Variants in SPATA13 observed in about 807,000 individuals in gnomAD.
The protein encoded by SPATA13 is spermatogenesis associated 13.
In SPATA13, 50 loss-of-function variants were observed where a neutral mutation model predicts 104.0. The observed-to-expected ratio is 0.48, with a 90% confidence interval of 0.38 to 0.61. The LOEUF is 0.61. Ranked by LOEUF, SPATA13 falls within the 20% of genes least tolerant of loss-of-function variation. The pLI is 0.00. For missense variants in SPATA13, 1,524 were observed against 1,690.6 expected (o/e 0.90, Z 1.73); for synonymous variants, 606 against 667.5 (o/e 0.91, Z 1.42).
chr13:24,014,584 C>T (rs1876625145), intron 2 of SPATA13, among the ~76,000 whole-genome samples: 1 of 152,120 alleles, frequency 6.6e-6, no homozygotes, highest in Non-Finnish European at 1.5e-5. Flanking sequence ...TATATTTATT[C>T]ATTAAGTGCA....
chr13:24,249,769 C>G lies in SPATA13; in HGVS notation c.1946C>G (p.Pro649Arg). 2 of 1,614,016 alleles carry G rather than the reference C, an allele frequency of 1.2e-6. No individual in the cohort carries two copies. Among genetic ancestry groups the G allele is most frequent in the Non-Finnish European group, 1.7e-6 (2 of 1,180,034 alleles). The change falls in exon 3 of 13, where the codon CCC becomes CGC. Residue 649 changes from proline to arginine, a missense_variant. Physicochemically the swap from Pro to Arg is moderately radical, Grantham distance 103. Transcript: ENST00000382108. Reference protein sequence around the residue: ...GCPKGARRRRPISVIGGVSLY... With the variant: ...GCPKGARRRRRISVIGGVSLY... ...CCCAAAGGAGCCCGGAGAAGGCGCC[C>G]CATTTCCGTGATAGGTGGGGTCAGC...
intron 3 of SPATA13, chr13:24,123,808 G>T: frequency 1.1e-6 from 1 of 945,496 alleles, no homozygotes; most frequent in Non-Finnish European, 1.7e-6. Flanking sequence ...GAAACTCCTT[G>T]ATTAATAAAA....
At chr13:24,071,217 C>A (rs1387606789) in intron 3 of SPATA13, among the ~76,000 whole-genome samples, 7 of 152,090 alleles carry the variant, frequency 4.6e-5, no homozygotes, top group Non-Finnish European at 1.0e-4. Flanking sequence ...AGTGGAGTCA[C>A]CTGAGCCCTA....
At chr13:24,295,665 TTCTCAC>T (rs1209164872) in intron 10 of SPATA13, among the ~76,000 whole-genome samples, 5 of 49,272 alleles carry the variant, frequency 1.0e-4, no homozygotes, top group African/African-American at 1.8e-4. Flanking sequence ...GTCCAACAAA[TTCTCAC>T]TCTCTCTCTC....
intron 3 of SPATA13, among the ~76,000 whole-genome samples, chr13:24,111,829 T>C (rs1880649847): frequency 6.6e-6 from 1 of 152,272 alleles, no homozygotes; most frequent in South Asian, 2.1e-4. Flanking sequence ...ATTTCTTTGC[T>C]AATGTCTTGT....
intron 2 of SPATA13, among the ~76,000 whole-genome samples, chr13:24,000,408 G>A (rs1348863829): frequency 6.6e-6 from 1 of 152,160 alleles, no homozygotes; most frequent in Non-Finnish European, 1.5e-5. Context: ...ACAGTGCTGG[G>A]CGGTGAGGTG....
chr13:24,006,293 A>G (rs1876224576), intron 2 of SPATA13, among the ~76,000 whole-genome samples: 1 of 152,238 alleles, frequency 6.6e-6, no homozygotes, highest in South Asian at 2.1e-4. Context: ...CATGAGATCA[A>G]CTAACTCATC....
intron 3 of SPATA13, among the ~76,000 whole-genome samples, chr13:24,150,214 A>C (rs1216940642): frequency 6.6e-6 from 1 of 152,104 alleles, no homozygotes; most frequent in Non-Finnish European, 1.5e-5. Flanking sequence ...CTCCTCCCAC[A>C]GCCTCCACTT....
At position 24,175,367 on chromosome 13, in the gene SPATA13, T is replaced by A. The variant is rs146116337; in HGVS notation, c.-112+14435T>A. 5.1e-4 allele frequency among the ~76,000 whole-genome samples: 78 copies of A among 152,330 alleles called. No individual in the cohort carries two copies. In the East Asian group the frequency reaches 6.0e-3, roughly 12 times the overall value. On this transcript the variant is annotated intron_variant, in intron 1 of 12. Transcript: ENST00000382108. ...ACATAGGGAGGCTAAAAGTCTACAT[T>A]GCCAATTTAGGGCAACTTTGACAAG... is the stretch of plus-strand genomic sequence containing the variant.
chr13:24,221,054 AT>A (rs1871559010), intron 1 of SPATA13, among the ~76,000 whole-genome samples: 1 of 152,022 alleles, frequency 6.6e-6, no homozygotes, highest in Admixed American at 6.5e-5. Context: ...GATTTTTGGG[AT>A]TTATTTACAG....
intron 3 of SPATA13, among the ~76,000 whole-genome samples, chr13:24,107,877 C>T (rs1880505354): frequency 6.6e-6 from 1 of 152,242 alleles, no homozygotes; most frequent in Non-Finnish European, 1.5e-5. Context: ...AAGATGCTCA[C>T]TCGCACTATT....
chr13:24,022,325 C>A (rs1877021005), intron 3 of SPATA13, among the ~76,000 whole-genome samples: 1 of 152,246 alleles, frequency 6.6e-6, no homozygotes, highest in African/African-American at 2.4e-5. Flanking sequence ...GCGTGAGCCA[C>A]TGCGCCTGGC....
chr13:24,190,018 A>AATT (rs1229019206), intron 1 of SPATA13, among the ~76,000 whole-genome samples: 3 of 66,168 alleles, frequency 4.5e-5, no homozygotes, highest in Admixed American at 2.7e-4. Context: ...ATTATTATAT[A>AATT]ACATAATGAT....
At chr13:24,041,479 G>T (rs553820210) in intron 3 of SPATA13, among the ~76,000 whole-genome samples, 2 of 152,136 alleles carry the variant, frequency 1.3e-5, no homozygotes, top group Non-Finnish European at 2.9e-5. Flanking sequence ...GAAAGATATC[G>T]TCATATAACA....
At chr13:24,131,982 G>C (rs1192023219) in intron 3 of SPATA13, among the ~76,000 whole-genome samples, 1 of 152,208 alleles carries the variant, frequency 6.6e-6, no homozygotes, top group Non-Finnish European at 1.5e-5. Flanking sequence ...TGACTCCCTT[G>C]CAGCTAGGGT....
intron 10 of SPATA13, among the ~76,000 whole-genome samples, chr13:24,296,260 C>T (rs1300393787): frequency 1.3e-5 from 2 of 152,218 alleles, no homozygotes; most frequent in African/African-American, 4.8e-5. Context: ...ATCTAGGGCA[C>T]GGAATTGCTC....
intron 4 of SPATA13, among the ~76,000 whole-genome samples, chr13:24,281,277 T>C (rs1211327313): frequency 6.6e-6 from 1 of 152,220 alleles, no homozygotes; most frequent in Non-Finnish European, 1.5e-5. Context: ...CTTAGACAGC[T>C]CACTTTCACT....
At chr13:24,130,847 C>A (rs1593349206) in intron 3 of SPATA13, among the ~76,000 whole-genome samples, 1 of 152,306 alleles carries the variant, frequency 6.6e-6, no homozygotes, top group East Asian at 1.9e-4. Flanking sequence ...TTATTTTTCT[C>A]TCTATAGGCT....
intron 3 of SPATA13, among the ~76,000 whole-genome samples, chr13:24,061,635 A>C (rs952055394): frequency 6.6e-6 from 1 of 152,152 alleles, no homozygotes; most frequent in Non-Finnish European, 1.5e-5. Context: ...ACCAAATACT[A>C]TATGTTCTTA....
Sources: gnomAD v4.1 joint callset for allele counts (sites outside exome capture counted in the v4.1 genomes callset) on GRCh38, gnomAD v4.1.1 for gene constraint, MANE v1.5 for transcripts, NCBI Gene and HGNC (gene_info 2026-07-23, HGNC 2026-07-21) for gene names.